The following PRELID2 variants were observed in gnomAD, a reference collection of about 807,000 sequenced individuals.
PRELID2 encodes the protein PRELI domain containing 2.
A neutral mutation model predicts 28.4 loss-of-function variants in PRELID2; 25 were observed. That is an observed-to-expected ratio of 0.88 (90% CI 0.64 to 1.23). PRELID2 has a LOEUF of 1.23. Ranked by LOEUF, PRELID2 falls within the 50% of genes most tolerant of loss-of-function variation. PRELID2 has a pLI of 0.00. For synonymous variants in PRELID2, 76 were observed against 71.6 expected (o/e 1.06, Z -0.31); for missense variants, 201 against 214.4 (o/e 0.94, Z 0.39).
At chr5:145,236,631 C>A in the PRELID2 span, among the ~76,000 whole-genome samples, 1 of 152,088 alleles carries the variant, frequency 6.6e-6, no homozygotes, top group African/African-American at 2.4e-5. Context: ...TTTCTTCAAC[C>A]TACCCAGAGA....
At chr5:145,744,732 G>C (rs1756942055) in intron 1 of PRELID2, among the ~76,000 whole-genome samples, 1 of 152,012 alleles carries the variant, frequency 6.6e-6, no homozygotes, top group South Asian at 2.1e-4. Flanking sequence ...ATCGAAACTA[G>C]ACAAACTCAC....
intron 1 of PRELID2, among the ~76,000 whole-genome samples, chr5:145,588,353 G>T (rs1448191296): frequency 5.9e-5 from 9 of 152,022 alleles, no homozygotes; most frequent in Non-Finnish European, 1.0e-4. Context: ...CTCCTACTCA[G>T]CAAAGAACGC....
the PRELID2 span, among the ~76,000 whole-genome samples, chr5:145,430,926 G>T: frequency 4.0e-5 from 6 of 148,324 alleles, no homozygotes; most frequent in African/African-American, 1.2e-4. Context: ...GCTCACTGGA[G>T]GAATTTTTTA....
chr5:145,437,269 G>A, the PRELID2 span: 2 of 152,156 alleles, frequency 1.3e-5, no homozygotes, highest in Non-Finnish European at 2.9e-5. Flanking sequence ...GTAACTCAAG[G>A]CATGCATATA....
the PRELID2 span, among the ~76,000 whole-genome samples, chr5:145,409,446 C>T: frequency 6.6e-6 from 1 of 152,126 alleles, no homozygotes; most frequent in South Asian, 2.1e-4. Flanking sequence ...GATAAAACTC[C>T]ACCAACCAAG....
Position 145,691,164 on chromosome 5 carries a change from C to T in PRELID2, n.70+73767G>A, listed in dbSNP as rs571123257. Among the ~76,000 whole-genome samples, 3 of 152,254 alleles carry T rather than the reference C, an allele frequency of 2.0e-5. No individual in the cohort carries two copies. In the East Asian group the frequency reaches 5.8e-4, roughly 29 times the overall value. On this transcript the variant is annotated intron_variant and non_coding_transcript_variant, in intron 1 of 2. Transcript: ENST00000510259. The stretch of plus-strand genomic sequence containing the variant: ...AGTTCTTTACATGTTTTTAGCTCAA[C>T]TCCCCAAAAAGACAGGAGGTTCCTG...
the PRELID2 span, among the ~76,000 whole-genome samples, chr5:145,460,873 T>C: frequency 2.0e-5 from 3 of 151,642 alleles, no homozygotes; most frequent in Non-Finnish European, 4.4e-5. Context: ...TTTACTTAAA[T>C]AAACTATTTC....
chr5:145,778,585 T>A (rs1179662472), intron 5 of PRELID2, among the ~76,000 whole-genome samples: 4 of 152,198 alleles, frequency 2.6e-5, no homozygotes, highest in African/African-American at 9.6e-5. Context: ...AAGCTGCTTG[T>A]AGTGCGCCTG....
chr5:145,270,844 G>A, the PRELID2 span, among the ~76,000 whole-genome samples: 4 of 152,020 alleles, frequency 2.6e-5, no homozygotes, highest in Non-Finnish European at 5.9e-5. Flanking sequence ...GAATTGCCCT[G>A]TATTAGTTCA....
At chr5:145,819,894 T>C (rs754617603) in intron 3 of PRELID2, 51 bp downstream of exon 3, 3 of 1,151,870 alleles carry the variant, frequency 2.6e-6, no homozygotes, top group Non-Finnish European at 3.9e-6. Flanking sequence ...TTCATGACTA[T>C]TAAAAATTAC....
At chr5:145,486,207 C>A (rs1752216172) in intron 1 of PRELID2, among the ~76,000 whole-genome samples, 1 of 152,132 alleles carries the variant, frequency 6.6e-6, no homozygotes, top group South Asian at 2.1e-4. Context: ...ATTAGATGTT[C>A]ATTCTGCTCA....
chr5:145,605,674 A>G (rs4345360), intron 1 of PRELID2, among the ~76,000 whole-genome samples: 2,126 of 152,182 alleles, frequency 0.014, 52 homozygotes, highest in African/African-American at 0.049. Context: ...ATGGTTCCAT[A>G]TGAATTTTAA....
chr5:145,398,399 C>A, the PRELID2 span, among the ~76,000 whole-genome samples: 1,049 of 152,172 alleles, frequency 6.9e-3, 8 homozygotes, highest in African/African-American at 0.024. Flanking sequence ...GTAGCAGTGG[C>A]CAAATCAGTA....
At chr5:145,741,302 A>T (rs1314681547) in intron 1 of PRELID2, among the ~76,000 whole-genome samples, 2 of 98,300 alleles carry the variant, frequency 2.0e-5, no homozygotes, top group African/African-American at 8.4e-5. Flanking sequence ...AATTATATAT[A>T]AATAATTTAT....
chr5:145,260,565 A>AT, the PRELID2 span, among the ~76,000 whole-genome samples: 1 of 152,300 alleles, frequency 6.6e-6, no homozygotes, highest in African/African-American at 2.4e-5. Context: ...TTTCTAAAAA[A>AT]TTTTTTATGT....
At chr5:145,670,914 C>A (rs1561539227) in intron 1 of PRELID2, among the ~76,000 whole-genome samples, 1 of 152,196 alleles carries the variant, frequency 6.6e-6, no homozygotes, top group Non-Finnish European at 1.5e-5. Flanking sequence ...CCAAGCCTTG[C>A]AACTTACAAC....
intron 1 of PRELID2, among the ~76,000 whole-genome samples, chr5:145,494,735 A>C (rs951296149): frequency 2.0e-5 from 3 of 152,166 alleles, no homozygotes; most frequent in Non-Finnish European, 2.9e-5. Flanking sequence ...AGAATATTAG[A>C]TCTTACTTGA....
the PRELID2 span, among the ~76,000 whole-genome samples, chr5:145,329,783 C>A: frequency 6.6e-6 from 1 of 152,182 alleles, no homozygotes; most frequent in Non-Finnish European, 1.5e-5. Context: ...CCTTCTCTTG[C>A]CTCATTGCCT....
chr5:145,371,659 T>A, the PRELID2 span, among the ~76,000 whole-genome samples: 1 of 151,720 alleles, frequency 6.6e-6, no homozygotes, highest in Non-Finnish European at 1.5e-5. Flanking sequence ...TTCTTTTCAA[T>A]TCTTTGGAAT....
Sources: gnomAD v4.1 joint callset for allele counts (sites outside exome capture counted in the v4.1 genomes callset) on GRCh38, gnomAD v4.1.1 for gene constraint, MANE v1.5 for transcripts, NCBI Gene and HGNC (gene_info 2026-07-23, HGNC 2026-07-21) for gene names.